SLC17A4: variants seen among roughly 807,000 people sequenced by gnomAD.
SLC17A4 encodes probable small intestine urate exporter.
Under a neutral mutation model 52.5 loss-of-function variants are expected in SLC17A4, and 33 were observed. The ratio of observed to expected loss-of-function variants is 0.63; its 90% confidence interval spans 0.48 to 0.84. SLC17A4 has a LOEUF of 0.84. Ranked by LOEUF, SLC17A4 falls within the 40% of genes least tolerant of loss-of-function variation. The pLI is 0.00. For missense variants in SLC17A4, 585 were observed against 597.1 expected (o/e 0.98, Z 0.21); for synonymous variants, 225 against 216.2 (o/e 1.04, Z -0.36).
intron 1 of SLC17A4, 59 bp downstream of exon 1, chr6:25,754,840 G>A (rs1340886870): frequency 6.6e-6 from 1 of 152,118 alleles, no homozygotes; most frequent in African/African-American, 2.4e-5. Context: ...ATGGGAATGG[G>A]TCTGTTTCTG....
chr6:25,765,492 G>A (rs1329337967), intron 2 of SLC17A4, among the ~76,000 whole-genome samples: 1 of 152,186 alleles, frequency 6.6e-6, no homozygotes, highest in Non-Finnish European at 1.5e-5. Flanking sequence ...CTGTGCTTAC[G>A]TTATTACGGG....
At chr6:25,778,443 A>G (rs1763121708) in intron 11 of SLC17A4, among the ~76,000 whole-genome samples, 1 of 152,126 alleles carries the variant, frequency 6.6e-6, no homozygotes, top group African/African-American at 2.4e-5. Flanking sequence ...GTTCCCTCCC[A>G]GGCACTAGCA....
At chr6:25,772,354 C>A (rs1032652943) in intron 6 of SLC17A4, among the ~76,000 whole-genome samples, 3 of 152,130 alleles carry the variant, frequency 2.0e-5, no homozygotes, top group Non-Finnish European at 4.4e-5. Context: ...TGATTATGTT[C>A]CTTGATGGCA....
At position 25,781,176 on chromosome 6, in the gene SLC17A4, GAAAGAAAGA is replaced by G. The variant is rs1243436611; in HGVS notation, c.*1991_*1999del. On this transcript the variant is annotated 3_prime_UTR_variant, in exon 12 of 12. Transcript: ENST00000377905. ...ATGGTCAGCTGGAGGATGATTAGCA[GAAAGAAAGA>G]AAGAAAGAAAGAAAGAAAAGAAAGA... is the stretch of plus-strand genomic sequence containing the variant. The G allele has an allele frequency of 2.2e-4, 1 of 4,572 alleles. No homozygotes were observed. Among genetic ancestry groups the G allele is most frequent in the Non-Finnish European group, 9.4e-4 (1 of 1,060 alleles). The allele number at this position is 4,572 out of a possible 1,614,324, so 0.3% of individuals were successfully genotyped here.
intron 6 of SLC17A4, 36 bp from the exon 7 acceptor site, chr6:25,773,238 CA>C (rs1762624403): frequency 6.6e-7 from 1 of 1,505,322 alleles, no homozygotes. Flanking sequence ...AGAAGTACTT[CA>C]ATCCATCCAG....
In SLC17A4 at chr6:25,770,142, C is replaced by T; in HGVS notation, c.373C>T (p.Pro125Ser). The T allele has an allele frequency of 6.2e-7, 1 of 1,614,064 alleles. No homozygotes were observed. The highest frequency in any genetic ancestry group is 1.1e-5 in the South Asian group (1 of 91,070). Residue 125 changes from proline to serine, a missense_variant, in exon 4 of 12, where the codon CCA becomes TCA. Transcript: ENST00000377905. ...SSLNYGSFLA[P>S]IPSGYVAGIF... ...CCTCAACTATGGCTCATTCTTGGCT[C>T]CAATCCCCAGTGGCTATGTGGCTGG...
At position 25,759,647 on chromosome 6, in the gene SLC17A4, C is replaced by T. The variant is rs546004969; in HGVS notation, c.-36-2280C>T. Among the ~76,000 whole-genome samples, 13 of 152,170 alleles carry T rather than the reference C, an allele frequency of 8.5e-5. No individual in the cohort carries two copies. The South Asian group carries it at 2.3e-3, about 27-fold the overall frequency. ...CAGCCTGGGCGGCAGAGTGAGACTCCGTCTCAAAAAACAAAACAAAAACAA... is the reference window on the plus strand; with the variant it reads ...CAGCCTGGGCGGCAGAGTGAGACTCTGTCTCAAAAAACAAAACAAAAACAA... On this transcript the variant is annotated intron_variant, in intron 1 of 11. Transcript: ENST00000377905.
At chr6:25,778,984 C>T (rs1350146965) in intron 11 of SLC17A4, 70 bp from the exon 12 acceptor site, 63 of 1,587,114 alleles carry the variant, frequency 4.0e-5, no homozygotes, top group Non-Finnish European at 5.4e-5. Flanking sequence ...GACACAGAGC[C>T]AAAGCCTTTC....
At chr6:25,768,614 C>G (rs149992234) in intron 2 of SLC17A4, among the ~76,000 whole-genome samples, 234 of 152,272 alleles carry the variant, frequency 1.5e-3, no homozygotes, top group African/African-American at 5.3e-3. Flanking sequence ...GAGTCATCTC[C>G]AGCAGTTTCC....
Position 25,779,353 on chromosome 6 carries a change from C to T in SLC17A4, c.*165C>T, listed in dbSNP as rs376774995. 4.3e-5 allele frequency: 37 copies of T among 868,234 alleles called. No individual in the cohort carries two copies. Among genetic ancestry groups the T allele is most frequent in the South Asian group, 1.9e-4 (10 of 51,294 alleles). The allele number at this position is 868,234 out of a possible 1,614,324, so 53.8% of individuals were successfully genotyped here. A position where few individuals can be genotyped will look rare whatever the true frequency, so the allele number is the denominator to read the frequency against. ...GGAAATTTTACAGGGGAAGAAAACACGCTAGTTATTTAACTGCAAGCTACT... is the reference window on the plus strand; with the variant it reads ...GGAAATTTTACAGGGGAAGAAAACATGCTAGTTATTTAACTGCAAGCTACT... On this transcript the variant is annotated 3_prime_UTR_variant, in exon 12 of 12. Transcript: ENST00000377905.
In SLC17A4 at chr6:25,776,669, T is replaced by C; in HGVS notation, c.1062T>C (p.Phe354=). 6.2e-7 allele frequency: 1 copy of C among 1,613,992 alleles called. No individual in the cohort carries two copies. The highest frequency in any genetic ancestry group is 8.5e-7 in the Non-Finnish European group (1 of 1,179,900). Residue 354 remains phenylalanine (F), a synonymous_variant, in exon 9 of 12, where the codon TTT becomes TTC. Transcript: ENST00000377905. ...CIILGGLLAD[F]LLSRKILRLI... Reference sequence around the variant, plus strand: ...TCCTTGGAGGTCTACTGGCAGACTTTCTTCTCTCCAGAAAAATCCTCAGAC... The same window carrying C: ...TCCTTGGAGGTCTACTGGCAGACTTCCTTCTCTCCAGAAAAATCCTCAGAC...
rs1762382786 is a variant in SLC17A4 at position 25,770,379 on chromosome 6, C to T, written c.532-5C>T. On this transcript the variant is annotated splice_polypyrimidine_tract_variant and splice_region_variant and intron_variant, in intron 4 of 11. Coordinates refer to ENST00000377905, the MANE Select transcript of SLC17A4 (RefSeq NM_005495.3). ...GATCTCCAAGAATGGAATTTTTCCC[C>T]CCAGGTTATGGTATTAACTGGTCAG... 2 of 1,613,884 alleles carry T rather than the reference C, an allele frequency of 1.2e-6. No individual in the cohort carries two copies. The highest frequency in any genetic ancestry group is 1.1e-5 in the South Asian group (1 of 91,078).
chr6:25,775,190 G>A (rs1762802286), intron 8 of SLC17A4, among the ~76,000 whole-genome samples: 1 of 151,912 alleles, frequency 6.6e-6, no homozygotes, highest in Non-Finnish European at 1.5e-5. Context: ...AAATTAGCCA[G>A]GTGTTGTGGC....
At chr6:25,755,048 T>TACACACACAC (rs35878702) in intron 1 of SLC17A4, among the ~76,000 whole-genome samples, 84 of 145,050 alleles carry the variant, frequency 5.8e-4, no homozygotes, top group African/African-American at 1.7e-3. Flanking sequence ...CACACACACA[T>TACACACACAC]ACACACACAC....
intron 2 of SLC17A4, among the ~76,000 whole-genome samples, chr6:25,764,335 A>C (rs935607256): frequency 6.6e-6 from 1 of 152,202 alleles, no homozygotes; most frequent in African/African-American, 2.4e-5. Flanking sequence ...TCCTTTCTCC[A>C]TATCAAATGC....
rs1482203503 is a variant in SLC17A4 at position 25,770,072 on chromosome 6, T to C, written c.303T>C (p.Pro101=). The C allele has an allele frequency of 1.2e-6, 2 of 1,613,816 alleles. No homozygotes were observed. The highest frequency in any genetic ancestry group is 1.3e-5 in the African/African-American group (1 of 75,038). The change falls in exon 4 of 12, where the codon CCT becomes CCC. Residue 101 remains proline (P), a synonymous_variant. Coordinates refer to ENST00000377905, the MANE Select transcript of SLC17A4 (RefSeq NM_005495.3). ...ETLKEFKAMA[P]AYDWSPEIQG... is the part of the protein sequence containing the mutation. Reference sequence around the variant, plus strand: ...TAACTCTCTTTGTCATCTAGGCCCCTGCATATGACTGGAGTCCTGAAATCC... The same window carrying C: ...TAACTCTCTTTGTCATCTAGGCCCCCGCATATGACTGGAGTCCTGAAATCC...
Position 25,780,825 on chromosome 6 carries a change from A to T in SLC17A4, c.*1637A>T, listed in dbSNP as rs759130520. On this transcript the variant is annotated 3_prime_UTR_variant, in exon 12 of 12. Transcript: ENST00000377905. ...TTAGGTGGATTATTTGATTTAGGGA[A>T]TAAACCTGACGGGTCCTATTACTAA... The T allele has an allele frequency of 3.9e-5, 6 of 152,192 alleles. No homozygotes were observed. The highest frequency in any genetic ancestry group is 8.8e-5 in the Non-Finnish European group (6 of 68,040). The allele number at this position is 152,192 out of a possible 1,614,324, so 9.4% of individuals were successfully genotyped here. A position where few individuals can be genotyped will look rare whatever the true frequency, so the allele number is the denominator to read the frequency against.
At chr6:25,761,106 G>A (rs1005006761) in intron 1 of SLC17A4, among the ~76,000 whole-genome samples, 6 of 152,100 alleles carry the variant, frequency 3.9e-5, no homozygotes, top group African/African-American at 1.4e-4. Context: ...TTTTAGCTGG[G>A]GATGAGTTCT....
intron 5 of SLC17A4, 137 bp from the exon 6 acceptor site, chr6:25,770,789 G>A (rs1762418454): frequency 4.2e-6 from 3 of 716,478 alleles, no homozygotes; most frequent in Non-Finnish European, 7.4e-6. Context: ...AGATCACATA[G>A]TTACCAAGTG....
Sources: allele counts gnomAD v4.1 joint callset (sites outside exome capture counted in the v4.1 genomes callset), GRCh38; gene constraint gnomAD v4.1.1; transcripts MANE v1.5; gene names NCBI Gene and HGNC (gene_info 2026-07-23, HGNC 2026-07-21).